The following BICRAL variants were observed in gnomAD, a reference collection of about 807,000 sequenced individuals.
BICRAL encodes the protein BICRA like chromatin remodeling complex associated protein.
Under a neutral mutation model 91.8 loss-of-function variants are expected in BICRAL, and 8 were observed. The ratio of observed to expected loss-of-function variants is 0.09; its 90% CI spans 0.05 to 0.16. The LOEUF is 0.16. Ranked by LOEUF, BICRAL falls within the 10% of genes least tolerant of loss-of-function variation. The pLI is 1.00. For missense variants in BICRAL, 1,038 were observed against 1,310.9 expected, an observed-to-expected ratio of 0.79 and a Z score of 3.21; for synonymous variants, 445 against 491.1, an observed-to-expected ratio of 0.91 and a Z score of 1.24.
chr6:42,782,161 A>C (rs1191767728), intron 1 of BICRAL, 60 bp downstream of exon 1: 7 of 150,636 alleles, frequency 4.6e-5, no homozygotes, highest in East Asian at 1.9e-4. Context: ...AGAAAAAAAA[A>C]ACACACAACC....
intron 2 of BICRAL, among the ~76,000 whole-genome samples, chr6:42,814,399 C>T (rs1238002251): frequency 7.1e-6 from 1 of 140,226 alleles, no homozygotes; most frequent in African/African-American, 2.7e-5. Flanking sequence ...TATATATATA[C>T]ACAACACACA....
At chr6:42,757,615 G>A (rs2113827149) in intron 1 of BICRAL, among the ~76,000 whole-genome samples, 1 of 152,152 alleles carries the variant, frequency 6.6e-6, no homozygotes, top group African/African-American at 2.4e-5. Context: ...TCGAACTCCT[G>A]GCCTCAAGTG....
At chr6:42,813,588 C>CG (rs1562474278) in intron 2 of BICRAL, among the ~76,000 whole-genome samples, 1 of 152,138 alleles carries the variant, frequency 6.6e-6, no homozygotes, top group East Asian at 1.9e-4. Flanking sequence ...CACACAATCA[C>CG]GGCTCACTGC....
chr6:42,792,828 G>C (rs1763311206), intron 1 of BICRAL, among the ~76,000 whole-genome samples: 1 of 151,958 alleles, frequency 6.6e-6, no homozygotes, highest in Admixed American at 6.6e-5. Context: ...CACAAGAATT[G>C]TTTGAATCTG....
At chr6:42,770,712 GGTCAGTGT>G (rs1194537125) in intron 1 of BICRAL, among the ~76,000 whole-genome samples, 3 of 149,408 alleles carry the variant, frequency 2.0e-5, no homozygotes, top group African/African-American at 7.4e-5. Flanking sequence ...CACCCCACCC[GGTCAGTGT>G]TTTTGTTTTT....
At chr6:42,788,037 C>G (rs944519663) in intron 1 of BICRAL, among the ~76,000 whole-genome samples, 5 of 151,756 alleles carry the variant, frequency 3.3e-5, no homozygotes, top group African/African-American at 1.2e-4. Flanking sequence ...GCTGGGACCA[C>G]AGGTGTGCAC....
chr6:42,854,751 G>A (rs569970852), intron 8 of BICRAL, among the ~76,000 whole-genome samples: 1 of 152,084 alleles, frequency 6.6e-6, no homozygotes, highest in South Asian at 2.1e-4. Context: ...AAACTCCTGG[G>A]CTCAAGCAAT....
chr6:42,777,500 T>A (rs2113851989), upstream of BICRAL, among the ~76,000 whole-genome samples: 1 of 152,344 alleles, frequency 6.6e-6, no homozygotes, highest in Admixed American at 6.5e-5. Context: ...TGCACACCGA[T>A]AATTTAAAAA....
At chr6:42,784,468 T>C (rs1038568908) in intron 1 of BICRAL, among the ~76,000 whole-genome samples, 1 of 152,216 alleles carries the variant, frequency 6.6e-6, no homozygotes, top group Non-Finnish European at 1.5e-5. Flanking sequence ...TTTATAAATA[T>C]ACATAGTGGA....
At chr6:42,830,730 C>T (rs1417528367) in intron 6 of BICRAL, among the ~76,000 whole-genome samples, 1 of 152,178 alleles carries the variant, frequency 6.6e-6, no homozygotes, top group Non-Finnish European at 1.5e-5. Context: ...ATCTTCCCAC[C>T]TCAGCCTCCC....
At chr6:42,850,748 G>T (rs1054189373) in intron 6 of BICRAL, among the ~76,000 whole-genome samples, 1 of 151,842 alleles carries the variant, frequency 6.6e-6, no homozygotes, top group Non-Finnish European at 1.5e-5. Context: ...GCCAGGCATG[G>T]TGGCACACTA....
chr6:42,865,494 C>T lies in BICRAL; in HGVS notation c.*48C>T. 9.7e-7 allele frequency: 1 copy of T among 1,032,646 alleles called. No homozygotes were observed. The highest frequency in any genetic ancestry group is 1.5e-6 in the Non-Finnish European group (1 of 688,110). 64.0% of individuals were successfully genotyped at this position (1,032,646 alleles called of 1,614,324 possible). A position where few individuals can be genotyped will look rare whatever the true frequency, so the allele number is the denominator to read the frequency against. On this transcript the variant is annotated 3_prime_UTR_variant, in exon 13 of 13. Transcript: ENST00000314073. ...CCGCCCCGAGACCCCACCCCGAGACCCCACCCCGGACCAGTTACATTCGTT... is the reference window on the plus strand; with the variant it reads ...CCGCCCCGAGACCCCACCCCGAGACTCCACCCCGGACCAGTTACATTCGTT...
intron 1 of BICRAL, among the ~76,000 whole-genome samples, chr6:42,762,210 G>A (rs1762561616): frequency 6.6e-6 from 1 of 152,136 alleles, no homozygotes; most frequent in Admixed American, 6.6e-5. Context: ...CTGGGGAATA[G>A]TTGGGCAGAA....
intron 1 of BICRAL, among the ~76,000 whole-genome samples, chr6:42,805,004 C>G (rs975552847): frequency 6.6e-6 from 1 of 152,190 alleles, no homozygotes; most frequent in Non-Finnish European, 1.5e-5. Flanking sequence ...GTCCAGCCTG[C>G]ACCCTGCTTT....
At chr6:42,856,460 C>T (rs1765358175) in intron 9 of BICRAL, among the ~76,000 whole-genome samples, 1 of 146,608 alleles carries the variant, frequency 6.8e-6, no homozygotes, top group South Asian at 2.2e-4. Flanking sequence ...CTACAGCCTC[C>T]GCCTTCTGGG....
upstream of BICRAL, among the ~76,000 whole-genome samples, chr6:42,780,404 T>C (rs1762880937): frequency 6.6e-6 from 1 of 152,178 alleles, no homozygotes; most frequent in East Asian, 1.9e-4. Context: ...GAGAGTTTTA[T>C]TGAGAACTCA....
chr6:42,773,500 G>C (rs1243124329), intron 1 of BICRAL, among the ~76,000 whole-genome samples: 5 of 151,826 alleles, frequency 3.3e-5, no homozygotes, highest in Non-Finnish European at 7.4e-5. Flanking sequence ...TTATAGGCAA[G>C]AGCCACCTTG....
At chr6:42,864,262 C>T (rs1036312774) in intron 12 of BICRAL, among the ~76,000 whole-genome samples, 8 of 152,046 alleles carry the variant, frequency 5.3e-5, no homozygotes, top group African/African-American at 1.9e-4. Flanking sequence ...ATTGCTTGAA[C>T]CCGGGAGGCA....
At chr6:42,764,845 G>C (rs1043235487) in intron 1 of BICRAL, among the ~76,000 whole-genome samples, 1 of 152,090 alleles carries the variant, frequency 6.6e-6, no homozygotes, top group Non-Finnish European at 1.5e-5. Flanking sequence ...ATTTTTAGTA[G>C]AGACGGGATT....
Sources: allele counts gnomAD v4.1 joint callset (sites outside exome capture counted in the v4.1 genomes callset), GRCh38; gene constraint gnomAD v4.1.1; transcripts MANE v1.5; gene names NCBI Gene and HGNC (gene_info 2026-07-23, HGNC 2026-07-21).